Variants in TBL1XR1 observed in about 807,000 individuals in gnomAD.
TBL1XR1 encodes TBL1X/Y related 1, also known as F-box-like/WD repeat-containing protein TBL1XR1.
In TBL1XR1, 5 loss-of-function variants were observed where a neutral mutation model predicts 66.9. The observed-to-expected ratio is 0.07, with a 90% CI of 0.04 to 0.16. The LOEUF (loss-of-function observed/expected upper bound fraction) is 0.16. TBL1XR1 is among the 10% of genes least tolerant of loss of function. TBL1XR1 has a pLI of 1.00. For synonymous variants in TBL1XR1, 210 were observed against 206.0 expected, an observed-to-expected ratio of 1.02 and a Z score of -0.17; for missense variants, 238 against 623.2, an observed-to-expected ratio of 0.38 and a Z score of 6.58.
At chr3:177,043,273 T>C (rs1033959930) in intron 10 of TBL1XR1, among the ~76,000 whole-genome samples, 2 of 152,208 alleles carry the variant, frequency 1.3e-5, no homozygotes, top group Admixed American at 6.5e-5. Context: ...TCTTCAACAA[T>C]TGGAAGCACA....
At chr3:177,130,557 CAT>C (rs1289217119) in intron 1 of TBL1XR1, among the ~76,000 whole-genome samples, 1 of 152,154 alleles carries the variant, frequency 6.6e-6, no homozygotes, top group Non-Finnish European at 1.5e-5. Context: ...TGGAAGGACA[CAT>C]AAAAAACTAA....
intron 1 of TBL1XR1, among the ~76,000 whole-genome samples, chr3:177,115,182 C>T (rs1307559126): frequency 1.3e-5 from 2 of 151,960 alleles, no homozygotes; most frequent in African/African-American, 4.8e-5. Context: ...AACCATCTAC[C>T]TGACCCAGCT....
chr3:177,149,541 G>T (rs1160125079), intron 1 of TBL1XR1, among the ~76,000 whole-genome samples: 1 of 152,052 alleles, frequency 6.6e-6, no homozygotes, highest in Non-Finnish European at 1.5e-5. Context: ...AACTAATTTT[G>T]TATTATACTA....
At chr3:177,179,495 G>A (rs1035005164) in intron 1 of TBL1XR1, among the ~76,000 whole-genome samples, 32 of 152,150 alleles carry the variant, frequency 2.1e-4, no homozygotes, top group Non-Finnish European at 4.1e-4. Context: ...AAATTCTTAA[G>A]AGATAAGTCA....
At chr3:177,039,182 A>G (rs962027073) in intron 10 of TBL1XR1, among the ~76,000 whole-genome samples, 1 of 152,192 alleles carries the variant, frequency 6.6e-6, no homozygotes, top group African/African-American at 2.4e-5. Flanking sequence ...TGCCTTATGT[A>G]TATGCAAATA....
intron 4 of TBL1XR1, among the ~76,000 whole-genome samples, chr3:177,053,030 A>G (rs909668144): frequency 5.9e-5 from 9 of 152,208 alleles, no homozygotes; most frequent in African/African-American, 9.6e-5. Context: ...TGAACCCAGG[A>G]GGCGGAGGTT....
intron 2 of TBL1XR1, among the ~76,000 whole-genome samples, chr3:177,094,747 T>C (rs1275681079): frequency 6.6e-6 from 1 of 152,018 alleles, no homozygotes; most frequent in Non-Finnish European, 1.5e-5. Context: ...ATGTTCTCAC[T>C]CATAAGTGAG....
intron 1 of TBL1XR1, among the ~76,000 whole-genome samples, chr3:177,119,498 G>C (rs1417805714): frequency 6.6e-6 from 1 of 152,098 alleles, no homozygotes; most frequent in Non-Finnish European, 1.5e-5. Context: ...GGGGTGTTTT[G>C]AATCCTGAGG....
At chr3:177,044,268 G>T (rs963919232) in intron 10 of TBL1XR1, among the ~76,000 whole-genome samples, 4 of 152,044 alleles carry the variant, frequency 2.6e-5, no homozygotes, top group African/African-American at 9.7e-5. Context: ...GTTAATCTTT[G>T]AACAATGTGA....
chr3:177,174,069 C>A (rs773247423), intron 1 of TBL1XR1, among the ~76,000 whole-genome samples: 32 of 152,098 alleles, frequency 2.1e-4, no homozygotes, highest in Non-Finnish European at 4.1e-4. Flanking sequence ...CGATTTTTCA[C>A]GTGACTATTC....
intron 1 of TBL1XR1, among the ~76,000 whole-genome samples, chr3:177,134,767 C>T (rs1006784097): frequency 1.3e-5 from 2 of 152,082 alleles, no homozygotes; most frequent in Admixed American, 6.6e-5. Flanking sequence ...TCCACCTCAC[C>T]CTGTATGGCA....
intron 1 of TBL1XR1, among the ~76,000 whole-genome samples, chr3:177,191,398 A>G (rs1025683342): frequency 3.9e-5 from 6 of 152,228 alleles, no homozygotes; most frequent in Non-Finnish European, 7.3e-5. Flanking sequence ...CTAGGTAACA[A>G]CACTGGCCTA....
At chr3:177,174,213 T>C (rs1733893183) in intron 1 of TBL1XR1, among the ~76,000 whole-genome samples, 1 of 151,910 alleles carries the variant, frequency 6.6e-6, no homozygotes, top group Non-Finnish European at 1.5e-5. Context: ...ATGGAGACCA[T>C]CCTGGCTAAC....
At chr3:177,178,041 T>C (rs527263401) in intron 1 of TBL1XR1, among the ~76,000 whole-genome samples, 1 of 152,164 alleles carries the variant, frequency 6.6e-6, no homozygotes, top group Non-Finnish European at 1.5e-5. Flanking sequence ...GAATCAGCTA[T>C]ATAACAATCT....
intron 1 of TBL1XR1, among the ~76,000 whole-genome samples, chr3:177,187,817 A>G (rs1187889209): frequency 6.6e-6 from 1 of 151,912 alleles, no homozygotes; most frequent in African/African-American, 2.4e-5. Context: ...AATACCGAAG[A>G]TATCAAATAG....
At chr3:177,177,963 G>T (rs1186235332) in intron 1 of TBL1XR1, among the ~76,000 whole-genome samples, 2 of 152,222 alleles carry the variant, frequency 1.3e-5, no homozygotes, top group Non-Finnish European at 2.9e-5. Context: ...ACTGCCGCGG[G>T]TGGGCAGTAA....
intron 1 of TBL1XR1, among the ~76,000 whole-genome samples, chr3:177,174,755 T>C (rs750722236): frequency 2.0e-5 from 3 of 152,152 alleles, no homozygotes; most frequent in Non-Finnish European, 4.4e-5. Context: ...CCAGCTCAAC[T>C]TTCTCCCCTG....
rs1357913861 is a variant in TBL1XR1 at position 177,019,973 on chromosome 3, A to C, written c.*5525T>G. ...AACAGGAAAAATAGAAGACCTAGAG[A>C]GTGTAAATTCTTAAAAAAAAAAAAA... On this transcript the variant is annotated 3_prime_UTR_variant, in exon 16 of 16. Coordinates refer to ENST00000457928, the MANE Select transcript of TBL1XR1 (RefSeq NM_024665.7). 6.9e-6 allele frequency: 1 copy of C among 145,538 alleles called. No homozygotes were observed. Among genetic ancestry groups the C allele is most frequent in the African/African-American group, 2.5e-5 (1 of 39,696 alleles). The allele number at this position is 145,538 out of a possible 1,614,324, so 9.0% of individuals were successfully genotyped here.
chr3:177,071,825 T>C (rs956978750), intron 2 of TBL1XR1, among the ~76,000 whole-genome samples: 5 of 152,164 alleles, frequency 3.3e-5, no homozygotes, highest in Admixed American at 2.6e-4. Flanking sequence ...CTTCCAACTT[T>C]TATTGAAAAC....
Sources: allele counts gnomAD v4.1 joint callset (sites outside exome capture counted in the v4.1 genomes callset), GRCh38; gene constraint gnomAD v4.1.1; transcripts MANE v1.5; gene names NCBI Gene and HGNC (gene_info 2026-07-23, HGNC 2026-07-21).